Variants in PTPRD observed in about 807,000 individuals in gnomAD.
PTPRD encodes the protein receptor-type tyrosine-protein phosphatase delta.
PTPRD carries 34 observed loss-of-function variants against 214.5 expected under a neutral mutation model. The ratio of observed to expected loss-of-function variants is 0.16; its 90% confidence interval spans 0.12 to 0.21. The LOEUF (loss-of-function observed/expected upper bound fraction) is 0.21. PTPRD is among the 10% of genes least tolerant of loss of function. PTPRD has a pLI of 1.00. For synonymous variants in PTPRD, 1,128 were observed against 845.7 expected (o/e 1.33, Z -5.79); for missense variants, 2,545 against 2,398.7 (o/e 1.06, Z -1.27).
At chr9:9,976,156 C>T (rs982740909) in intron 4 of PTPRD, among the ~76,000 whole-genome samples, 15 of 152,090 alleles carry the variant, frequency 9.9e-5, no homozygotes, top group African/African-American at 3.4e-4. Flanking sequence ...TGTAATTTAT[C>T]TGAAATTAAA....
At chr9:8,353,801 C>T (rs1464375008) in intron 39 of PTPRD, among the ~76,000 whole-genome samples, 1 of 113,696 alleles carries the variant, frequency 8.8e-6, no homozygotes, top group East Asian at 2.1e-4. Flanking sequence ...AAATTTGAGA[C>T]TCCTTCTCAA....
At chr9:9,730,540 T>C (rs151093394) in intron 7 of PTPRD, among the ~76,000 whole-genome samples, 27 of 152,286 alleles carry the variant, frequency 1.8e-4, no homozygotes, top group African/African-American at 5.8e-4. Context: ...TCAATAACTA[T>C]ATAAGTACAA....
At chr9:9,751,845 T>A (rs112679439) in intron 6 of PTPRD, among the ~76,000 whole-genome samples, 113 of 152,150 alleles carry the variant, frequency 7.4e-4, no homozygotes, top group African/African-American at 2.6e-3. Flanking sequence ...CTCAGAAAAC[T>A]GACACACTAC....
chr9:8,975,715 T>C (rs1175292084), intron 11 of PTPRD, among the ~76,000 whole-genome samples: 1 of 151,744 alleles, frequency 6.6e-6, no homozygotes, highest in Non-Finnish European at 1.5e-5. Flanking sequence ...TTTTTAGATA[T>C]ATTAAAACAT....
At chr9:8,935,188 C>T (rs1367492878) in intron 11 of PTPRD, among the ~76,000 whole-genome samples, 1 of 152,052 alleles carries the variant, frequency 6.6e-6, no homozygotes, top group Non-Finnish European at 1.5e-5. Context: ...ATGACACCAT[C>T]TTACATATAG....
chr9:10,322,175 T>C (rs758228252), intron 3 of PTPRD, among the ~76,000 whole-genome samples: 4 of 152,018 alleles, frequency 2.6e-5, no homozygotes, highest in Non-Finnish European at 4.4e-5. Context: ...GCATGTACTC[T>C]TCACAACCAT....
chr9:10,370,959 G>A (rs143035225), intron 2 of PTPRD, among the ~76,000 whole-genome samples: 15 of 151,944 alleles, frequency 9.9e-5, no homozygotes, highest in Non-Finnish European at 1.9e-4. Context: ...GATGGAATTG[G>A]CAGAAAATAT....
intron 10 of PTPRD, among the ~76,000 whole-genome samples, chr9:9,181,653 A>T (rs1445227698): frequency 6.6e-6 from 1 of 152,050 alleles, no homozygotes; most frequent in Non-Finnish European, 1.5e-5. Context: ...AAATTTGCAC[A>T]GTTTACTTAA....
chr9:9,131,515 G>A (rs1411139907), intron 10 of PTPRD, among the ~76,000 whole-genome samples: 1 of 152,102 alleles, frequency 6.6e-6, no homozygotes, highest in Non-Finnish European at 1.5e-5. Context: ...TCCACACCAT[G>A]CTATATATAT....
At chr9:10,574,523 T>C (rs552117461) in intron 2 of PTPRD, among the ~76,000 whole-genome samples, 1 of 147,740 alleles carries the variant, frequency 6.8e-6, no homozygotes, top group South Asian at 2.3e-4. Context: ...CAACTACAAC[T>C]AGAGAGAAAG....
At chr9:10,256,135 T>C (rs1229814293) in intron 3 of PTPRD, among the ~76,000 whole-genome samples, 1 of 152,204 alleles carries the variant, frequency 6.6e-6, no homozygotes, top group Non-Finnish European at 1.5e-5. Context: ...AACAGTTTCA[T>C]CCTGAAACCA....
rs1306403766 is a variant in PTPRD at position 8,934,421 on chromosome 9, G to GTGTGTA, written c.-104+84275_-104+84276insTACACA. Among the ~76,000 whole-genome samples the GTGTGTA allele has an allele frequency of 1.1e-3, 29 of 27,332 alleles. 1 individual carries two copies. The highest frequency in any genetic ancestry group is 2.8e-3 in the South Asian group (3 of 1,068). 17.9% of individuals were successfully genotyped at this position (27,332 alleles called of 152,430 possible). On this transcript the variant is annotated intron_variant, in intron 11 of 45. Transcript: ENST00000381196. ...TGTGTGTGTGTGTGTGTGTGTGTGTGTATATATATATATAAATATATATAT... is the reference window on the plus strand; with the variant it reads ...TGTGTGTGTGTGTGTGTGTGTGTGTGTGTGTATATATATATATATAAATATATATAT...
At chr9:9,607,405 C>G (rs1044772556) in intron 7 of PTPRD, among the ~76,000 whole-genome samples, 4 of 152,102 alleles carry the variant, frequency 2.6e-5, no homozygotes, top group African/African-American at 9.7e-5. Flanking sequence ...CAAATTAATT[C>G]TCACAACAAG....
At chr9:8,665,518 C>T (rs1381386977) in intron 12 of PTPRD, among the ~76,000 whole-genome samples, 2 of 152,164 alleles carry the variant, frequency 1.3e-5, no homozygotes, top group East Asian at 1.9e-4. Flanking sequence ...GAAAGAAAAG[C>T]TCAACTGTTA....
chr9:9,318,953 T>C (rs1964936330), intron 9 of PTPRD, among the ~76,000 whole-genome samples: 1 of 152,166 alleles, frequency 6.6e-6, no homozygotes, highest in Non-Finnish European at 1.5e-5. Context: ...AGATGTGCAA[T>C]ATACAGTGCC....
chr9:9,295,923 G>A (rs1158434102), intron 9 of PTPRD, among the ~76,000 whole-genome samples: 2 of 151,732 alleles, frequency 1.3e-5, no homozygotes, highest in East Asian at 3.9e-4. Context: ...TGACAATTAT[G>A]ACTTTACTAC....
intron 12 of PTPRD, among the ~76,000 whole-genome samples, chr9:8,640,552 A>C (rs12554778): frequency 7.5e-6 from 1 of 132,636 alleles, no homozygotes; most frequent in East Asian, 2.1e-4. Flanking sequence ...TTCTTAAAAA[A>C]CAAAAAAACA....
intron 2 of PTPRD, among the ~76,000 whole-genome samples, chr9:10,494,964 A>C (rs1054473548): frequency 6.6e-6 from 1 of 151,740 alleles, no homozygotes; most frequent in African/African-American, 2.4e-5. Context: ...ATCATCACTA[A>C]AAATCTGTCT....
intron 2 of PTPRD, among the ~76,000 whole-genome samples, chr9:10,560,350 T>C (rs909036635): frequency 8.6e-5 from 13 of 151,792 alleles, no homozygotes; most frequent in Admixed American, 3.9e-4. Flanking sequence ...AAGGTGGGAA[T>C]TGAACAATGA....
Sources: gnomAD v4.1 joint callset for allele counts (sites outside exome capture counted in the v4.1 genomes callset) on GRCh38, gnomAD v4.1.1 for gene constraint, MANE v1.5 for transcripts, NCBI Gene and HGNC (gene_info 2026-07-23, HGNC 2026-07-21) for gene names.